COL5A3: variants seen among roughly 807,000 people sequenced by gnomAD.
COL5A3 encodes collagen type V alpha 3 chain, also known as collagen alpha-3(V) chain.
In COL5A3, 172 loss-of-function variants were observed where a neutral mutation model predicts 250.0. That is an observed-to-expected ratio of 0.69 (90% CI 0.61 to 0.78). COL5A3 has a LOEUF of 0.78. Ranked by LOEUF, COL5A3 falls within the 30% of genes least tolerant of loss-of-function variation. The probability of loss-of-function intolerance (pLI) is 0.00; values close to 1 mark genes in which losing one functional copy is unlikely to be tolerated. For synonymous variants in COL5A3, 937 were observed against 900.4 expected (o/e 1.04, Z -0.73); for missense variants, 2,340 against 2,334.4 (o/e 1.00, Z -0.05).
chr19:9,974,254 C>T, intron 46 of COL5A3, 30 bp from the exon 47 acceptor site: 1 of 1,612,978 alleles, frequency 6.2e-7, no homozygotes, highest in Non-Finnish European at 8.5e-7. Flanking sequence ...GATTGGGGCA[C>T]CAGGTAGGGA....
chr19:9,968,115 AC>A lies in COL5A3; in HGVS notation c.4315-37del, dbSNP rs1437874364. 6.4e-7 allele frequency: 1 copy of A among 1,566,470 alleles called. No individual in the cohort carries two copies. Among genetic ancestry groups the A allele is most frequent in the African/African-American group, 1.4e-5 (1 of 72,554 alleles). On this transcript the variant is annotated intron_variant, in intron 59 of 66. Coordinates refer to ENST00000264828, the MANE Select transcript of COL5A3 (RefSeq NM_015719.4). This position sits in a 1 kb window ranked among gnomAD's most constrained non-coding sequence, Gnocchi z 4.1. The stretch of plus-strand genomic sequence containing the variant: ...GACATCGGGTCAGTATTGGTGGGGT[AC>A]ACCCTATTGCCCTGACACATCCCCC...
At chr19:9,992,113 C>A in intron 21 of COL5A3, 65 bp from the exon 22 acceptor site, 11 of 1,411,456 alleles carry the variant, frequency 7.8e-6, no homozygotes, top group Non-Finnish European at 1.1e-5. Context: ...TCTGAGACAC[C>A]GAGAGATGCA....
At position 9,987,622 on chromosome 19, in the gene COL5A3, CA is replaced by C. The variant is rs2087118768; in HGVS notation, c.2146-865del. 4.6e-5 allele frequency among the ~76,000 whole-genome samples: 7 copies of C among 151,310 alleles called. No homozygotes were observed. In the South Asian group the frequency reaches 1.5e-3, roughly 32 times the overall value. ...AAAGGTAGCCGGATGTGGTGACGTGCACCTATAGTCCCAGCTACCTGGGAGG... is the reference window on the plus strand; with the variant it reads ...AAAGGTAGCCGGATGTGGTGACGTGCCCTATAGTCCCAGCTACCTGGGAGG... On this transcript the variant is annotated intron_variant, in intron 27 of 66. Coordinates refer to ENST00000264828, the MANE Select transcript of COL5A3 (RefSeq NM_015719.4).
At position 10,001,866 on chromosome 19, in the gene COL5A3, G is replaced by C; in HGVS notation, c.865C>G (p.Pro289Ala). The C allele has an allele frequency of 6.2e-7, 1 of 1,613,866 alleles. No homozygotes were observed. The highest frequency in any genetic ancestry group is 1.3e-5 in the African/African-American group (1 of 74,998). ...SAENQTSTDIPKTETPAPNLP... is the reference protein window; with the variant it reads ...SAENQTSTDIAKTETPAPNLP... ...TTTGGAGCTGGAGTCTCTGTCTTGG[G>C]GATGTCAGTGGAGGTCTGGAGCAGG... Residue 289 changes from proline (P) to alanine (A), a missense_variant, in exon 7 of 67, where the codon CCC becomes GCC. Pro to Ala is a conservative substitution (Grantham distance 27). Coordinates refer to ENST00000264828, the MANE Select transcript of COL5A3 (RefSeq NM_015719.4).
intron 8 of COL5A3, among the ~76,000 whole-genome samples, chr19:9,999,777 T>A (rs1450836905): frequency 1.3e-5 from 2 of 152,130 alleles, no homozygotes; most frequent in Non-Finnish European, 2.9e-5. Context: ...AAGCCTCTTT[T>A]CTTTTCTCTA....
At chr19:9,991,024 A>G (rs1002900206) in intron 24 of COL5A3, among the ~76,000 whole-genome samples, 2 of 152,186 alleles carry the variant, frequency 1.3e-5, no homozygotes, top group African/African-American at 4.8e-5. Context: ...CAGGAGTTCA[A>G]GACCAGCCTG....
intron 18 of COL5A3, 41 bp from the exon 19 acceptor site, chr19:9,993,474 G>A (rs377075461): frequency 2.8e-5 from 45 of 1,609,680 alleles, no homozygotes; most frequent in African/African-American, 4.0e-5. Context: ...GGAAGGGTGT[G>A]GGCGGAGAGA....
intron 62 of COL5A3, 109 bp from the exon 63 acceptor site, chr19:9,966,855 G>T: frequency 1.2e-6 from 1 of 808,934 alleles, no homozygotes; most frequent in Non-Finnish European, 1.9e-6. Context: ...AAATGAGAAA[G>T]AGGAGGGAGA....
At position 9,973,803 on chromosome 19, in the gene COL5A3, G is replaced by A. The variant is rs1568410756; in HGVS notation, c.3565C>T (p.Pro1189Ser). The stretch of plus-strand genomic sequence containing the variant: ...TGACCAACTCCTCCAGGCAGCCCTG[G>A]AGTGCCCTGGAGAGACAGCAAGGGG... ...PQGPTGSEGT[P>S]GLPGGVGQPG... Residue 1189 changes from proline to serine, a missense_variant, in exon 49 of 67, where the codon CCA becomes TCA. This residue lies in a region of COL5A3 where 1,179 missense variants were observed against 1,162.6 expected (regional missense o/e 1.01). Transcript: ENST00000264828. The A allele has an allele frequency of 6.2e-7, 1 of 1,613,992 alleles. No homozygotes were observed. Among genetic ancestry groups the A allele is most frequent in the Non-Finnish European group, 8.5e-7 (1 of 1,179,950 alleles).
chr19:10,008,445 T>TAG, intron 1 of COL5A3, among the ~76,000 whole-genome samples: 1 of 148,482 alleles, frequency 6.7e-6, no homozygotes, highest in South Asian at 2.1e-4. Context: ...GGACAAGGGG[T>TAG]GGGGGGGTCT....
At chr19:9,981,188 C>A (rs574148230) in intron 32 of COL5A3, 56 bp from the exon 33 acceptor site, 4 of 1,541,584 alleles carry the variant, frequency 2.6e-6, no homozygotes, top group Non-Finnish European at 3.6e-6. Context: ...AAAGGTATGA[C>A]GCAAACACAA....
At chr19:9,988,833 CAA>C (rs67181648) in intron 27 of COL5A3, among the ~76,000 whole-genome samples, 470 of 39,342 alleles carry the variant, frequency 0.012, 1 homozygote, top group African/African-American at 0.051. Flanking sequence ...GACTCTGTCT[CAA>C]AAAAAAAAAA....
intron 64 of COL5A3, among the ~76,000 whole-genome samples, chr19:9,965,378 G>A (rs548323937): frequency 2.7e-5 from 4 of 150,764 alleles, no homozygotes; most frequent in South Asian, 2.1e-4. Context: ...GGATGGTCTC[G>A]ATCTCCTGAC....
At position 9,960,391 on chromosome 19, in the gene COL5A3, C is replaced by G. The variant is rs765724915; in HGVS notation, c.*20G>C. The G allele has an allele frequency of 9.3e-6, 15 of 1,613,848 alleles. No individual in the cohort carries two copies. The South Asian group carries it at 1.5e-4, about 17-fold the overall frequency. On this transcript the variant is annotated 3_prime_UTR_variant, in exon 67 of 67. Transcript: ENST00000264828. Reference sequence around the variant, plus strand: ...CCCCATTCTGGGGCTCCCTCATGGTCCCTCCCACCCCGGACACTCTCAGCT... The same window carrying G: ...CCCCATTCTGGGGCTCCCTCATGGTGCCTCCCACCCCGGACACTCTCAGCT...
intron 45 of COL5A3, among the ~76,000 whole-genome samples, chr19:9,975,674 G>C (rs1289296296): frequency 6.6e-6 from 1 of 151,648 alleles, no homozygotes; most frequent in Non-Finnish European, 1.5e-5. Flanking sequence ...TTGAGGGAAA[G>C]ACATGGTTGG....
chr19:10,007,437 T>C, intron 1 of COL5A3, among the ~76,000 whole-genome samples: 1 of 152,224 alleles, frequency 6.6e-6, no homozygotes, highest in East Asian at 1.9e-4. Flanking sequence ...GCCCAACAGT[T>C]CCTAATCTAG....
At chr19:9,987,090 T>G (rs931326868) in intron 27 of COL5A3, among the ~76,000 whole-genome samples, 4 of 152,172 alleles carry the variant, frequency 2.6e-5, no homozygotes, top group Non-Finnish European at 5.9e-5. Flanking sequence ...GGCAAAGGAA[T>G]GTTCCCCATT....
Position 9,967,522 on chromosome 19 carries a change from C to T in COL5A3, c.4405-122G>A, listed in dbSNP as rs114772383. 4.7e-3 allele frequency: 3,383 copies of T among 714,796 alleles called. 79 individuals carry two copies. In the African/African-American group the frequency reaches 0.056, roughly 12 times the overall value. The allele number at this position is 714,796 out of a possible 1,614,324, so 44.3% of individuals were successfully genotyped here. ...ACACACACACAGTCTCACACACTCA[C>T]ATACACACTCACTCACACACTCACA... On this transcript the variant is annotated intron_variant, in intron 61 of 66. Transcript: ENST00000264828.
intron 55 of COL5A3, 35 bp from the exon 56 acceptor site, chr19:9,969,717 C>T (rs150954558): frequency 3.8e-6 from 6 of 1,585,606 alleles, no homozygotes; most frequent in Non-Finnish European, 1.7e-6. Flanking sequence ...GGGCCAGAGT[C>T]AGAGGGTTCC....
Sources: allele counts gnomAD v4.1 joint callset (sites outside exome capture counted in the v4.1 genomes callset), GRCh38; gene constraint gnomAD v4.1.1; regional missense constraint gnomAD v4.1.1; non-coding constraint Gnocchi (gnomAD v3.1); transcripts MANE v1.5; gene names NCBI Gene and HGNC (gene_info 2026-07-23, HGNC 2026-07-21).